The following ZNF432 variants were observed in gnomAD, a reference collection of about 807,000 sequenced individuals.
The protein encoded by ZNF432 is zinc finger protein 432.
A neutral mutation model predicts 13.9 loss-of-function variants in ZNF432; 10 were observed. The observed-to-expected ratio is 0.72, with a 90% CI of 0.44 to 1.22. ZNF432 has a LOEUF of 1.22. Ranked by LOEUF, ZNF432 falls within the 50% of genes most tolerant of loss-of-function variation. The pLI is 0.00. For synonymous variants in ZNF432, 247 were observed against 256.2 expected (o/e 0.96, Z 0.34); for missense variants, 793 against 796.2 (o/e 1.00, Z 0.05).
chr19:52,042,841 T>G (rs982950761), intron 2 of ZNF432, among the ~76,000 whole-genome samples: 1 of 152,154 alleles, frequency 6.6e-6, no homozygotes, highest in African/African-American at 2.4e-5. Flanking sequence ...TATAACATTA[T>G]GCAAACAACT....
rs1473114634 is a variant in ZNF432 at position 52,032,752 on chromosome 19, TGA to T, written c.*966_*967del. 1 of 152,322 alleles carries T rather than the reference TGA, an allele frequency of 6.6e-6. No individual in the cohort carries two copies. Among genetic ancestry groups the T allele is most frequent in the Non-Finnish European group, 1.5e-5 (1 of 68,030 alleles). The allele number at this position is 152,322 out of a possible 1,614,324, so 9.4% of individuals were successfully genotyped here. A position where few individuals can be genotyped will look rare whatever the true frequency, so the allele number is the denominator to read the frequency against. On this transcript the variant is annotated 3_prime_UTR_variant, in exon 5 of 5. Transcript: ENST00000221315. ...TGCCCGGCATTATGTATCATTTTCA[TGA>T]GACTTTTTTACTTCATGAATTTCCT...
chr19:52,046,987 A>G lies in ZNF432; in HGVS notation c.-119T>C, dbSNP rs374757637. ...CCAGTGAAGGGTGTCCACAGAAATCATATCTAGGTCCTGGAATCTTCCTCT... is the reference window on the plus strand; with the variant it reads ...CCAGTGAAGGGTGTCCACAGAAATCGTATCTAGGTCCTGGAATCTTCCTCT... On this transcript the variant is annotated 5_prime_UTR_variant, in exon 2 of 5. An upstream start codon of the reference 5' UTR is lost. Transcript: ENST00000221315. 8.0e-6 allele frequency: 8 copies of G among 1,005,146 alleles called. No homozygotes were observed. The South Asian group carries it at 1.0e-4, about 13-fold the overall frequency. The allele number at this position is 1,005,146 out of a possible 1,614,324, so 62.3% of individuals were successfully genotyped here. A position where few individuals can be genotyped will look rare whatever the true frequency, so the allele number is the denominator to read the frequency against.
At chr19:52,038,844 T>A (rs2087108120) in intron 4 of ZNF432, among the ~76,000 whole-genome samples, 1 of 152,288 alleles carries the variant, frequency 6.6e-6, no homozygotes, top group African/African-American at 2.4e-5. Context: ...GCCCCTGGAA[T>A]GTCCTGGCCC....
intron 2 of ZNF432, among the ~76,000 whole-genome samples, chr19:52,042,835 A>C (rs1295143795): frequency 1.3e-5 from 2 of 152,212 alleles, no homozygotes; most frequent in Non-Finnish European, 2.9e-5. Flanking sequence ...TGCACATATA[A>C]CATTATGCAA....
rs2087027937 is a variant in ZNF432 at position 52,032,772 on chromosome 19, AATT to A, written c.*945_*947del. ...TTTCATGAGACTTTTTTACTTCATGAATTTCCTGATCCTTTTTAAAGTTACTCT... is the reference window on the plus strand; with the variant it reads ...TTTCATGAGACTTTTTTACTTCATGATCCTGATCCTTTTTAAAGTTACTCT... On this transcript the variant is annotated 3_prime_UTR_variant, in exon 5 of 5. Transcript: ENST00000221315. The A allele has an allele frequency of 6.6e-6, 1 of 152,116 alleles. No homozygotes were observed. The highest frequency in any genetic ancestry group is 1.5e-5 in the Non-Finnish European group (1 of 68,032). 9.4% of individuals were successfully genotyped at this position (152,116 alleles called of 1,614,324 possible).
intron 2 of ZNF432, among the ~76,000 whole-genome samples, chr19:52,046,585 C>A (rs533399365): frequency 6.6e-6 from 1 of 152,302 alleles, no homozygotes; most frequent in East Asian, 1.9e-4. Context: ...CACTGTATAA[C>A]TTAGTGTGAC....
chr19:52,045,342 C>CA (rs2087170675), intron 2 of ZNF432, among the ~76,000 whole-genome samples: 1 of 131,766 alleles, frequency 7.6e-6, no homozygotes, highest in Admixed American at 7.8e-5. Context: ...TCTACTTTTA[C>CA]TTTTTTTACC....
Position 52,032,981 on chromosome 19 carries a change from CAT to C in ZNF432, c.*737_*738del, listed in dbSNP as rs2087030151. ...ATAATGCTGCTAGTATGTGTAAGTT[CAT>C]TGATGATCTATTATGATCACTGAAG... On this transcript the variant is annotated 3_prime_UTR_variant, in exon 5 of 5. Coordinates refer to ENST00000221315, the MANE Select transcript of ZNF432 (RefSeq NM_014650.4). The C allele has an allele frequency of 6.6e-6, 1 of 152,162 alleles. No homozygotes were observed. Among genetic ancestry groups the C allele is most frequent in the Non-Finnish European group, 1.5e-5 (1 of 68,034 alleles). 9.4% of individuals were successfully genotyped at this position (152,162 alleles called of 1,614,324 possible).
chr19:52,042,477 A>G (rs1323001894), intron 2 of ZNF432, among the ~76,000 whole-genome samples: 3 of 152,118 alleles, frequency 2.0e-5, no homozygotes, highest in African/African-American at 7.2e-5. Context: ...GGAGCCCAGG[A>G]AGTTGAGGCT....
At chr19:52,035,817 G>A (rs760415662) in intron 4 of ZNF432, among the ~76,000 whole-genome samples, 2 of 152,164 alleles carry the variant, frequency 1.3e-5, no homozygotes, top group Non-Finnish European at 2.9e-5. Flanking sequence ...ACAGGCATGA[G>A]CTACCACACC....
intron 2 of ZNF432, 113 bp from the exon 3 acceptor site, chr19:52,041,719 A>G (rs540893997): frequency 1.4e-5 from 17 of 1,240,942 alleles, no homozygotes; most frequent in African/African-American, 1.2e-4. Flanking sequence ...GCATCCATCT[A>G]TAAGTCTATT....
At position 52,033,531 on chromosome 19, in the gene ZNF432, A is replaced by G; in HGVS notation, c.*189T>C. ...AATTTTCTATACATTGGTACATCAA[A>G]GAATTCAGAGCCTGAATTCATGTTG... On this transcript the variant is annotated 3_prime_UTR_variant, in exon 5 of 5. Transcript: ENST00000221315. 1 of 624,118 alleles carries G rather than the reference A, an allele frequency of 1.6e-6. No individual in the cohort carries two copies. 38.7% of individuals were successfully genotyped at this position (624,118 alleles called of 1,614,324 possible).
intron 4 of ZNF432, among the ~76,000 whole-genome samples, chr19:52,037,291 G>A (rs1176059418): frequency 2.0e-5 from 3 of 152,082 alleles, no homozygotes; most frequent in Non-Finnish European, 2.9e-5. Context: ...CATCCATCAC[G>A]TTTAATGAAC....
chr19:52,045,761 G>A (rs183264586), intron 2 of ZNF432, among the ~76,000 whole-genome samples: 306 of 151,126 alleles, frequency 2.0e-3, no homozygotes, highest in African/African-American at 7.0e-3. Flanking sequence ...TTGGGAGGCC[G>A]AGGCGGGTGG....
In ZNF432 at chr19:52,034,992, TC is replaced by T. The variant is rs775999160; in HGVS notation, c.686del (p.Gly229GlufsTer20). ...ACAAAGTACATCCATAAGGTTTTTC[TC>T]CTGTATGAACTCTCTCATGATCAGT... ...QLTDHERVHT[G>X]EKPYGCTLCA... On this transcript the variant is annotated frameshift_variant, in exon 5 of 5. Transcript: ENST00000221315. LOFTEE classifies it low-confidence loss of function (END_TRUNC). 1.9e-6 allele frequency: 3 copies of T among 1,614,022 alleles called. No homozygotes were observed. In the South Asian group the frequency reaches 3.3e-5, roughly 18 times the overall value.
intron 3 of ZNF432, 88 bp from the exon 4 acceptor site, chr19:52,040,671 A>C (rs1426509677): frequency 2.9e-6 from 3 of 1,027,656 alleles, no homozygotes; most frequent in Non-Finnish European, 4.5e-6. Context: ...GTAACTAGAC[A>C]GTTTTCACAT....
intron 2 of ZNF432, among the ~76,000 whole-genome samples, chr19:52,044,233 A>G (rs1218962204): frequency 6.6e-6 from 1 of 152,178 alleles, no homozygotes; most frequent in African/African-American, 2.4e-5. Flanking sequence ...CACACGAGAA[A>G]TAAATCTGTT....
chr19:52,044,991 C>A (rs557829706), intron 2 of ZNF432, among the ~76,000 whole-genome samples: 1 of 152,304 alleles, frequency 6.6e-6, no homozygotes, highest in African/African-American at 2.4e-5. Flanking sequence ...AATACACTAA[C>A]ACTAACGATA....
rs189212048 is a variant in ZNF432, at chr19:52,039,398, A to G, written c.238+1090T>C. ...TACAATGGAATATTATTCAACAATA[A>G]AAAGAAATTAAGCACTGATACATGC... On this transcript the variant is annotated intron_variant, in intron 4 of 4. Coordinates refer to ENST00000221315, the MANE Select transcript of ZNF432 (RefSeq NM_014650.4). 1.7e-4 allele frequency among the ~76,000 whole-genome samples: 26 copies of G among 152,382 alleles called. No homozygotes were observed. The East Asian group carries it at 4.8e-3, about 28-fold the overall frequency.
Sources: gnomAD v4.1 joint callset for allele counts (sites outside exome capture counted in the v4.1 genomes callset) on GRCh38, gnomAD v4.1.1 for gene constraint, MANE v1.5 for transcripts, NCBI Gene and HGNC (gene_info 2026-07-23, HGNC 2026-07-21) for gene names.